APELA: variants seen among roughly 807,000 people sequenced by gnomAD.
APELA encodes apelin receptor early endogenous ligand, also known as protein Elabela.
chr4:164,883,267 C>T (rs1730695372), intron 2 of APELA, among the ~76,000 whole-genome samples: 1 of 152,142 alleles, frequency 6.6e-6, no homozygotes, highest in Admixed American at 6.5e-5. Context: ...CTGGGAAGAA[C>T]TCTTCTGCAC....
At chr4:164,889,097 G>A (rs769605161) in intron 2 of APELA, among the ~76,000 whole-genome samples, 6 of 151,996 alleles carry the variant, frequency 3.9e-5, no homozygotes, top group Non-Finnish European at 7.4e-5. Flanking sequence ...TCCGCCTCCC[G>A]GGTTCAAGCG....
downstream of APELA, among the ~76,000 whole-genome samples, chr4:164,897,731 A>ATTG (rs1731002338): frequency 6.6e-6 from 1 of 152,194 alleles, no homozygotes; most frequent in South Asian, 2.1e-4. Flanking sequence ...ATTCTCTCAA[A>ATTG]GTCTACCAAA....
At chr4:164,892,942 GT>G (rs1730910296) in intron 2 of APELA, among the ~76,000 whole-genome samples, 1 of 152,056 alleles carries the variant, frequency 6.6e-6, no homozygotes, top group African/African-American at 2.4e-5. Context: ...TGTAAGGTTA[GT>G]AGTGATGTTC....
At chr4:164,886,301 C>T (rs1405220755) in intron 2 of APELA, among the ~76,000 whole-genome samples, 2 of 152,102 alleles carry the variant, frequency 1.3e-5, no homozygotes, top group Non-Finnish European at 2.9e-5. Flanking sequence ...AAAAGTCATG[C>T]TTGGAGGAAA....
At chr4:164,888,658 T>C (rs1730824450) in intron 2 of APELA, among the ~76,000 whole-genome samples, 1 of 152,190 alleles carries the variant, frequency 6.6e-6, no homozygotes. Context: ...CAGTTCACAT[T>C]ACACAAGCTC....
At chr4:164,894,626 A>G (rs1730940233) in intron 2 of APELA, among the ~76,000 whole-genome samples, 2 of 152,090 alleles carry the variant, frequency 1.3e-5, no homozygotes, top group Non-Finnish European at 2.9e-5. Flanking sequence ...GCTGGTCTCA[A>G]ACTCCTGGGC....
intron 2 of APELA, among the ~76,000 whole-genome samples, chr4:164,887,393 A>G (rs1730795177): frequency 6.6e-6 from 1 of 152,164 alleles, no homozygotes; most frequent in African/African-American, 2.4e-5. Context: ...AGCTGTACTT[A>G]TACCTTTACC....
chr4:164,895,983 C>T lies in APELA; in HGVS notation c.*569C>T, dbSNP rs755877268. The T allele has an allele frequency of 4.6e-5, 7 of 152,098 alleles. No homozygotes were observed. Among genetic ancestry groups the T allele is most frequent in the Non-Finnish European group, 7.4e-5 (5 of 68,012 alleles). The allele number at this position is 152,098 out of a possible 1,614,324, so 9.4% of individuals were successfully genotyped here. ...TAATTGCTACCAATTTTATGATAAGCTTTAAGGTTTATGAAAGTATGTTTT... is the reference window on the plus strand; with the variant it reads ...TAATTGCTACCAATTTTATGATAAGTTTTAAGGTTTATGAAAGTATGTTTT... On this transcript the variant is annotated 3_prime_UTR_variant, in exon 3 of 3. Coordinates refer to ENST00000507152, the MANE Select transcript of APELA (RefSeq NM_001297550.2).
At chr4:164,892,240 C>T (rs936400622) in intron 2 of APELA, among the ~76,000 whole-genome samples, 35 of 152,186 alleles carry the variant, frequency 2.3e-4, no homozygotes, top group South Asian at 6.2e-4. Context: ...CGCCTGATCC[C>T]AGGCCAAGGA....
intron 2 of APELA, among the ~76,000 whole-genome samples, chr4:164,895,153 G>A (rs551286315): frequency 9.1e-4 from 138 of 152,266 alleles, no homozygotes; most frequent in African/African-American, 3.0e-3. Context: ...AGCTGAGACC[G>A]TGCCACTGCA....
intron 2 of APELA, among the ~76,000 whole-genome samples, chr4:164,894,488 G>C (rs535217524): frequency 6.6e-6 from 1 of 151,640 alleles, no homozygotes; most frequent in South Asian, 2.1e-4. Flanking sequence ...TTGATCTGGG[G>C]TCACTGCAAC....
At position 164,897,074 on chromosome 4, in the gene APELA, TG is replaced by T. The variant is rs1335300934; in HGVS notation, c.*1663del. The T allele has an allele frequency of 6.6e-6, 1 of 152,186 alleles. No individual in the cohort carries two copies. Among genetic ancestry groups the T allele is most frequent in the Non-Finnish European group, 1.5e-5 (1 of 68,028 alleles). The allele number at this position is 152,186 out of a possible 1,614,324, so 9.4% of individuals were successfully genotyped here. On this transcript the variant is annotated 3_prime_UTR_variant, in exon 3 of 3. Transcript: ENST00000507152. ...GGATTACAGGCATGTGCCACCATGCTGGGCCACAAGTTCATATCTGGAGTAG... is the reference window on the plus strand; with the variant it reads ...GGATTACAGGCATGTGCCACCATGCTGGCCACAAGTTCATATCTGGAGTAG...
downstream of APELA, among the ~76,000 whole-genome samples, chr4:164,898,015 C>T (rs760531710): frequency 5.9e-5 from 9 of 152,000 alleles, no homozygotes; most frequent in Non-Finnish European, 1.2e-4. Context: ...TTCAGCCTCC[C>T]GAGCAGCTGG....
chr4:164,897,545 T>G (rs576174928), downstream of APELA: 22 of 152,364 alleles, frequency 1.4e-4, no homozygotes, highest in African/African-American at 5.3e-4. Flanking sequence ...CTGTCCTTAC[T>G]TTGTATAAGA....
intron 2 of APELA, among the ~76,000 whole-genome samples, chr4:164,885,687 G>C (rs1460753437): frequency 1.3e-5 from 2 of 151,792 alleles, no homozygotes; most frequent in African/African-American, 4.8e-5. Context: ...GTTGCAGAGA[G>C]CCAAGATCAC....
chr4:164,880,762 T>A (rs928455502), intron 2 of APELA, among the ~76,000 whole-genome samples: 1 of 152,202 alleles, frequency 6.6e-6, no homozygotes, highest in African/African-American at 2.4e-5. Flanking sequence ...TAAAAACCAG[T>A]GTTACAAGTA....
At chr4:164,894,895 T>C (rs1277056576) in intron 2 of APELA, among the ~76,000 whole-genome samples, 4 of 152,210 alleles carry the variant, frequency 2.6e-5, no homozygotes, top group Non-Finnish European at 5.9e-5. Context: ...GGTATCTCTA[T>C]ATTTGTATTG....
chr4:164,890,073 A>T (rs1730850939), intron 2 of APELA, among the ~76,000 whole-genome samples: 1 of 152,050 alleles, frequency 6.6e-6, no homozygotes. Flanking sequence ...GCCTTAATTT[A>T]TTTATCTTGA....
At chr4:164,884,124 A>AAAGAAAGAAAGAAAGAAAGAAAGT (rs1730719268) in intron 2 of APELA, among the ~76,000 whole-genome samples, 1 of 146,668 alleles carries the variant, frequency 6.8e-6, no homozygotes, top group African/African-American at 2.6e-5. Context: ...AAAGAAAGAG[A>AAAGAAAGAAAGAAAGAAAGAAAGT]AAGAAAGAAA....
Sources: gnomAD v4.1 joint callset for allele counts (sites outside exome capture counted in the v4.1 genomes callset) on GRCh38, gnomAD v4.1.1 for gene constraint, MANE v1.5 for transcripts, NCBI Gene and HGNC (gene_info 2026-07-23, HGNC 2026-07-21) for gene names.